Variants in ACTN2 observed in about 807,000 individuals in gnomAD.
ACTN2 encodes actinin alpha 2, also known as alpha-actinin-2.
Under a neutral mutation model 113.8 loss-of-function variants are expected in ACTN2, and 39 were observed. That is an observed-to-expected ratio of 0.34 (90% confidence interval 0.27 to 0.45). The LOEUF is 0.45. ACTN2 is among the 20% of genes least tolerant of loss of function. The pLI is 1.00. For synonymous variants in ACTN2, 429 were observed against 444.1 expected, an observed-to-expected ratio of 0.97 and a Z score of 0.43; for missense variants, 992 against 1,177.9, an observed-to-expected ratio of 0.84 and a Z score of 2.31.
chr1:236,724,450 GGGA>G (rs1210263540), intron 4 of ACTN2, among the ~76,000 whole-genome samples: 1 of 152,346 alleles, frequency 6.6e-6, no homozygotes, highest in Non-Finnish European at 1.5e-5. Context: ...ATGAAGGGGA[GGGA>G]GCAGGAGATG....
At chr1:236,686,938 C>A in intron 1 of ACTN2, 139 bp downstream of exon 1, 1 of 987,334 alleles carries the variant, frequency 1.0e-6, no homozygotes, top group Non-Finnish European at 1.3e-6. Context: ...CCCTCGCAGC[C>A]CCGGGGGCCC....
intron 1 of ACTN2, among the ~76,000 whole-genome samples, chr1:236,708,047 A>C (rs1327637904): frequency 6.6e-6 from 1 of 152,006 alleles, no homozygotes; most frequent in African/African-American, 2.4e-5. Flanking sequence ...AACAAACCAC[A>C]GAGAGATGAG....
In ACTN2 at chr1:236,761,432, C is replaced by CGTGTGTGT. The variant is rs3831321; in HGVS notation, c.2526+278_2526+285dup. On this transcript the variant is annotated intron_variant, in intron 20 of 20. Transcript: ENST00000366578. ...AGGGACAAGAGTGTATTTGTACTTG[C>CGTGTGTGT]GTGTGTGTGTGTGTGTGTGTGTGTG... Among the ~76,000 whole-genome samples, 5,486 of 150,492 alleles carry CGTGTGTGT rather than the reference C, an allele frequency of 0.036. 326 individuals are homozygous for CGTGTGTGT. Among genetic ancestry groups the CGTGTGTGT allele is most frequent in the African/African-American group, 0.13 (5,160 of 40,896 alleles).
intron 1 of ACTN2, among the ~76,000 whole-genome samples, chr1:236,701,988 T>C (rs939457239): frequency 6.6e-6 from 1 of 152,230 alleles, no homozygotes. Context: ...CGGTGAGTTC[T>C]ATTGCTGTAA....
At chr1:236,739,793 C>T (rs1244212731) in intron 10 of ACTN2, among the ~76,000 whole-genome samples, 3 of 152,214 alleles carry the variant, frequency 2.0e-5, no homozygotes, top group Non-Finnish European at 4.4e-5. Flanking sequence ...CTCTTTCTCT[C>T]GTCCCTCCTC....
chr1:236,719,850 G>A (rs543165007), intron 3 of ACTN2, among the ~76,000 whole-genome samples: 13 of 151,546 alleles, frequency 8.6e-5, no homozygotes, highest in Non-Finnish European at 1.8e-4. Context: ...GGAAACTCCC[G>A]GGTGGTTTTC....
intron 9 of ACTN2, 103 bp downstream of exon 9, chr1:236,737,317 A>T (rs1378325005): frequency 2.4e-5 from 7 of 288,992 alleles, no homozygotes; most frequent in South Asian, 3.6e-5. Context: ...ATATATATAT[A>T]TTTTGCATTT....
At chr1:236,719,143 C>A in intron 3 of ACTN2, 130 bp downstream of exon 3, 1 of 1,292,398 alleles carries the variant, frequency 7.7e-7, no homozygotes, top group Non-Finnish European at 1.1e-6. Flanking sequence ...CAGGCTCTCT[C>A]TTAGGGCGCT....
chr1:236,754,412 C>A lies in ACTN2; in HGVS notation c.1974+331C>A, dbSNP rs1659491425. Reference sequence around the variant, plus strand: ...CTGGATTTCAAACCATCTATCCCTACAAGGAGGACACGTGAAGGCCCACAA... The same window carrying A: ...CTGGATTTCAAACCATCTATCCCTAAAAGGAGGACACGTGAAGGCCCACAA... On this transcript the variant is annotated intron_variant, in intron 16 of 20. Transcript: ENST00000366578. This position sits in a 1 kb window ranked among gnomAD's most constrained non-coding sequence, Gnocchi z 4.9. Among the ~76,000 whole-genome samples, 2 of 152,178 alleles carry A rather than the reference C, an allele frequency of 1.3e-5. No homozygotes were observed. Among genetic ancestry groups the A allele is most frequent in the Non-Finnish European group, 2.9e-5 (2 of 68,020 alleles).
At chr1:236,727,654 C>T in intron 5 of ACTN2, 24 bp from the exon 6 acceptor site, 3 of 1,613,516 alleles carry the variant, frequency 1.9e-6, no homozygotes, top group Non-Finnish European at 2.5e-6. Context: ...ACACGTGTTC[C>T]TGTTCTTCTC....
intron 1 of ACTN2, among the ~76,000 whole-genome samples, chr1:236,703,319 T>C (rs1291269379): frequency 6.6e-6 from 1 of 152,082 alleles, no homozygotes; most frequent in East Asian, 1.9e-4. Flanking sequence ...GGGAGGCAGG[T>C]GTGACCCCAC....
chr1:236,728,852 C>T (rs1033773338), intron 6 of ACTN2, among the ~76,000 whole-genome samples: 2 of 152,088 alleles, frequency 1.3e-5, no homozygotes, highest in African/African-American at 4.8e-5. Flanking sequence ...TGTGATCACA[C>T]CACTGCCCTC....
chr1:236,708,726 C>T (rs569010944), intron 1 of ACTN2, among the ~76,000 whole-genome samples: 126 of 152,272 alleles, frequency 8.3e-4, no homozygotes, highest in Admixed American at 3.5e-3. Flanking sequence ...GGGATTGAGA[C>T]GCTCTGTAGT....
chr1:236,746,319 G>T (rs766813532), intron 12 of ACTN2, among the ~76,000 whole-genome samples: 13 of 152,082 alleles, frequency 8.5e-5, no homozygotes, highest in Admixed American at 1.3e-4. Context: ...AACTTCCATG[G>T]TTCTTGATTT....
chr1:236,706,188 TAAG>T (rs1657819471), intron 1 of ACTN2, among the ~76,000 whole-genome samples: 1 of 152,052 alleles, frequency 6.6e-6, no homozygotes, highest in South Asian at 2.1e-4. Context: ...GACATGATAA[TAAG>T]AAATTTTAAA....
intron 1 of ACTN2, among the ~76,000 whole-genome samples, chr1:236,713,274 C>G (rs549695600): frequency 6.6e-6 from 1 of 150,474 alleles, no homozygotes; most frequent in East Asian, 2.0e-4. Context: ...GTTTCCCAGG[C>G]TGTAGTGCAA....
chr1:236,724,533 G>A (rs1658491627), intron 4 of ACTN2, among the ~76,000 whole-genome samples: 1 of 152,214 alleles, frequency 6.6e-6, no homozygotes, highest in Non-Finnish European at 1.5e-5. Flanking sequence ...GGAGGCTTGG[G>A]GAAGAAGGTC....
chr1:236,703,536 C>T (rs16834213), intron 1 of ACTN2, among the ~76,000 whole-genome samples: 9,791 of 149,852 alleles, frequency 0.065, 388 homozygotes, highest in Middle Eastern at 0.14. Context: ...GCTTCTAGCC[C>T]TAAAATAGTT....
At chr1:236,729,359 A>G (rs1340427594) in intron 6 of ACTN2, among the ~76,000 whole-genome samples, 1 of 152,152 alleles carries the variant, frequency 6.6e-6, no homozygotes, top group Non-Finnish European at 1.5e-5. Context: ...GTGTGTAAAG[A>G]CTTAAGGGTA....
Sources: gnomAD v4.1 joint callset for allele counts (sites outside exome capture counted in the v4.1 genomes callset) on GRCh38, gnomAD v4.1.1 for gene constraint, Gnocchi (gnomAD v3.1) non-coding constraint, MANE v1.5 for transcripts, NCBI Gene and HGNC (gene_info 2026-07-23, HGNC 2026-07-21) for gene names.